USB1: variants seen among roughly 807,000 people sequenced by gnomAD.
USB1 encodes the protein U6 snRNA biogenesis phosphodiesterase 1, also known as U6 snRNA phosphodiesterase 1.
Under a neutral mutation model 29.9 loss-of-function variants are expected in USB1, and 21 were observed. That is an observed-to-expected ratio of 0.70 (90% confidence interval 0.50 to 1.01). The LOEUF (loss-of-function observed/expected upper bound fraction) is 1.01. USB1 is among the 50% of genes least tolerant of loss of function. The probability of loss-of-function intolerance (pLI) is 0.00; values close to 1 mark genes in which losing one functional copy is unlikely to be tolerated. For missense variants in USB1, 330 were observed against 347.1 expected (o/e 0.95, Z 0.39); for synonymous variants, 143 against 134.9 (o/e 1.06, Z -0.42).
At chr16:58,009,307 A>G (rs1963435816) in intron 2 of USB1, among the ~76,000 whole-genome samples, 1 of 152,172 alleles carries the variant, frequency 6.6e-6, no homozygotes, top group Non-Finnish European at 1.5e-5. Context: ...GTGGGACAGG[A>G]TGACCAGAAG....
chr16:58,010,392 T>C (rs991271826), intron 3 of USB1, among the ~76,000 whole-genome samples: 2 of 151,202 alleles, frequency 1.3e-5, no homozygotes, highest in Non-Finnish European at 1.5e-5. Context: ...CCAGATGTGT[T>C]GAGTTTTTTT....
In USB1 at chr16:58,010,548, A is replaced by G. The variant is rs148029240; in HGVS notation, c.449+436A>G. The G allele has an allele frequency of 2.6e-3, 721 of 274,542 alleles. 3 individuals carry two copies. The highest frequency in any genetic ancestry group is 5.8e-3 in the Admixed American group (116 of 20,126). The allele number at this position is 274,542 out of a possible 1,614,324, so 17.0% of individuals were successfully genotyped here. A position where few individuals can be genotyped will look rare whatever the true frequency, so the allele number is the denominator to read the frequency against. ...AAGACTGCGCTCCTTGTCAGACACC[A>G]TCTGCAGTGTTGAGCTCTCAGGTTA... On this transcript the variant is annotated intron_variant, in intron 3 of 6. Transcript: ENST00000219281.
At chr16:58,007,741 C>T (rs1306550947) in intron 2 of USB1, among the ~76,000 whole-genome samples, 1 of 151,838 alleles carries the variant, frequency 6.6e-6, no homozygotes, top group Non-Finnish European at 1.5e-5. Flanking sequence ...TCATCCAGCA[C>T]TTTGGGAGGC....
At chr16:58,005,016 C>T (rs1359703928) in intron 2 of USB1, among the ~76,000 whole-genome samples, 1 of 152,014 alleles carries the variant, frequency 6.6e-6, no homozygotes. Context: ...GGACGGGGGC[C>T]CTTGCCTGCC....
At chr16:58,018,870 G>A (rs1469831444) in intron 5 of USB1, 102 bp from the exon 6 acceptor site, 1 of 1,169,672 alleles carries the variant, frequency 8.5e-7, no homozygotes, top group African/African-American at 1.5e-5. Context: ...GCAGGCCAGG[G>A]ATCCAGCAGG....
intron 3 of USB1, 131 bp downstream of exon 3, chr16:58,010,243 T>C (rs1963462456): frequency 1.6e-5 from 18 of 1,098,302 alleles, no homozygotes; most frequent in Non-Finnish European, 2.4e-5. Flanking sequence ...CTCCTGGGGC[T>C]GCCTGCTCTA....
At chr16:57,999,756 G>A (rs1425514022), upstream of USB1, 3 of 152,342 alleles carry the variant, frequency 2.0e-5, no homozygotes, top group African/African-American at 7.2e-5. Context: ...GGCTGCTCTG[G>A]GTGGAGGCAG....
chr16:58,018,337 C>T (rs1228076811), intron 5 of USB1, among the ~76,000 whole-genome samples: 1 of 151,578 alleles, frequency 6.6e-6, no homozygotes, highest in Non-Finnish European at 1.5e-5. Context: ...AGCAATTCTG[C>T]CTCAGTCTCC....
In USB1 at chr16:58,001,551, G is replaced by C. The variant is rs771539759; in HGVS notation, c.68G>C (p.Arg23Pro). The change falls in exon 1 of 7, where the codon CGG becomes CCG. Residue 23 changes from arginine (R) to proline (P), a missense_variant. By Grantham distance (103) the Arg-to-Pro change is moderately radical (BLOSUM62 -2). Coordinates refer to ENST00000219281, the MANE Select transcript of USB1 (RefSeq NM_024598.4). ...GAGGATGAGTCCGAGGACGGGATGC[G>C]GACCAGGCCGGGGGATGGGAGCCAC... Reference protein sequence around the residue: ...GSEDESEDGMRTRPGDGSHRR... With the variant: ...GSEDESEDGMPTRPGDGSHRR... The C allele has an allele frequency of 6.2e-7, 1 of 1,609,224 alleles. No homozygotes were observed. Among genetic ancestry groups the C allele is most frequent in the South Asian group, 1.1e-5 (1 of 90,256 alleles).
At position 58,012,430 on chromosome 16, in the gene USB1, T is replaced by C. The variant is rs574907628; in HGVS notation, c.450-1843T>C. On this transcript the variant is annotated intron_variant, in intron 3 of 6. Coordinates refer to ENST00000219281, the MANE Select transcript of USB1 (RefSeq NM_024598.4). ...GAGGTAGCACTGGCTCATGCATGAG[T>C]GGACCGGGGTGACAAGATATCAGAT... The C allele has an allele frequency of 2.3e-4, 296 of 1,265,470 alleles. 4 individuals carry two copies. The South Asian group carries it at 3.7e-3, about 16-fold the overall frequency. The allele number at this position is 1,265,470 out of a possible 1,614,324, so 78.4% of individuals were successfully genotyped here. A position where few individuals can be genotyped will look rare whatever the true frequency, so the allele number is the denominator to read the frequency against.
chr16:58,011,399 T>G, intron 3 of USB1: 1 of 1,181,868 alleles, frequency 8.5e-7, no homozygotes, highest in Non-Finnish European at 1.0e-6. Context: ...GCTTTTTTTT[T>G]CCCCTTACCT....
intron 2 of USB1, among the ~76,000 whole-genome samples, chr16:58,002,985 CA>C (rs1335639696): frequency 6.6e-6 from 1 of 152,138 alleles, no homozygotes; most frequent in African/African-American, 2.4e-5. Flanking sequence ...GTGCAAGGTT[CA>C]AATCCCACCC....
intron 3 of USB1, chr16:58,010,836 G>A: frequency 1.7e-6 from 1 of 600,222 alleles, no homozygotes; most frequent in Non-Finnish European, 3.0e-6. Context: ...GCACATGGGT[G>A]CGTTCTTAAT....
chr16:58,016,810 GAA>G lies in USB1; in HGVS notation c.504-522_504-521del, dbSNP rs142537465. 703 of 186,248 alleles carry G rather than the reference GAA, an allele frequency of 3.8e-3. 3 individuals are homozygous for G. The highest frequency in any genetic ancestry group is 0.016 in the African/African-American group (668 of 42,642). 11.5% of individuals were successfully genotyped at this position (186,248 alleles called of 1,614,324 possible). On this transcript the variant is annotated intron_variant, in intron 4 of 6. Coordinates refer to ENST00000219281, the MANE Select transcript of USB1 (RefSeq NM_024598.4). ...AAAGTGGGTTGAAGATGGGAGGTGA[GAA>G]AGAGATAGTGATGGTGGACAAATGG...
chr16:58,001,384 C>G, upstream of USB1: 3 of 1,409,100 alleles, frequency 2.1e-6, no homozygotes, highest in Non-Finnish European at 2.9e-6. Flanking sequence ...CGGTGCCAGC[C>G]CAGGCCCCGC....
intron 3 of USB1, among the ~76,000 whole-genome samples, chr16:58,010,439 C>T (rs931209266): frequency 2.6e-5 from 4 of 152,202 alleles, no homozygotes; most frequent in African/African-American, 9.7e-5. Context: ...CAGACACCCA[C>T]TGGGTGTCCT....
intron 3 of USB1, chr16:58,012,548 G>A: frequency 1.4e-6 from 2 of 1,379,424 alleles, no homozygotes; most frequent in South Asian, 1.6e-5. Context: ...GCATCTCCCG[G>A]CTAATGGTGT....
chr16:58,017,383 C>A lies in USB1; in HGVS notation c.553C>A (p.Leu185Met). 1 of 1,614,220 alleles carries A rather than the reference C, an allele frequency of 6.2e-7. No homozygotes were observed. The highest frequency in any genetic ancestry group is 1.6e-4 in the Middle Eastern group (1 of 6,062). ...TTCAGGGCATGCCCAGTTCCTGGAC[C>A]TGGTTTCAGAGGTGGACAGAGTCAT... The part of the protein sequence containing the change: ...VTSGHAQFLD[L>M]VSEVDRVMEE... Residue 185 changes from leucine (L) to methionine (M), a missense_variant, in exon 5 of 7, where the codon CTG becomes ATG. Leu to Met is a conservative substitution (Grantham distance 15). Coordinates refer to ENST00000219281, the MANE Select transcript of USB1 (RefSeq NM_024598.4).
intron 1 of USB1, among the ~76,000 whole-genome samples, chr16:58,001,810 G>T (rs1963207793): frequency 6.6e-6 from 1 of 151,896 alleles, no homozygotes; most frequent in African/African-American, 2.4e-5. Flanking sequence ...GCCAGACCTG[G>T]GTTCGGGTCC....
Sources: gnomAD v4.1 joint callset for allele counts (sites outside exome capture counted in the v4.1 genomes callset) on GRCh38, gnomAD v4.1.1 for gene constraint, MANE v1.5 for transcripts, NCBI Gene and HGNC (gene_info 2026-07-23, HGNC 2026-07-21) for gene names.